Variants in BUB1 observed in about 807,000 individuals in gnomAD.
BUB1 encodes BUB1 mitotic checkpoint serine/threonine kinase.
In BUB1, 84 loss-of-function variants were observed where a neutral mutation model predicts 135.2. The observed-to-expected ratio is 0.62, with a 90% CI of 0.52 to 0.74. The LOEUF (loss-of-function observed/expected upper bound fraction) is 0.74, where lower values mean the gene tolerates loss of function less well. BUB1 is among the 30% of genes least tolerant of loss of function. The pLI is 0.00. For synonymous variants in BUB1, 403 were observed against 434.4 expected (o/e 0.93, Z 0.90); for missense variants, 1,162 against 1,288.3 (o/e 0.90, Z 1.50).
In BUB1 at chr2:110,638,058, T is replaced by C; in HGVS notation, c.3164A>G (p.Lys1055Arg). The stretch of plus-strand genomic sequence containing the variant: ...AGTATAGTGTTGTTGAAATACTTTC[T>C]TCAGCTTTTGCCTTAACAAATCCAA... Reference protein sequence around the residue: ...PSLDLLRQKLKKVFQQHYTNK... With the variant: ...PSLDLLRQKLRKVFQQHYTNK... The change falls in exon 25 of 25, where the codon AAG (lysine) becomes AGG (arginine). Residue 1055 changes from lysine to arginine, a missense_variant. Lys to Arg is a conservative substitution (Grantham distance 26). Transcript: ENST00000302759. 1.2e-6 allele frequency: 2 copies of C among 1,612,922 alleles called. No homozygotes were observed. Among genetic ancestry groups the C allele is most frequent in the Non-Finnish European group, 1.7e-6 (2 of 1,179,478 alleles).
chr2:110,669,442 G>A lies in BUB1; in HGVS notation c.567+11C>T, dbSNP rs756174133. 7.1e-6 allele frequency: 11 copies of A among 1,555,292 alleles called. No homozygotes were observed. The South Asian group carries it at 8.9e-5, about 13-fold the overall frequency. Reference sequence around the variant, plus strand: ...CCCAGTTTCCACACAAGCTACAAATGTCATTATTACCTGATTCTTAGAAAT... The same window carrying A: ...CCCAGTTTCCACACAAGCTACAAATATCATTATTACCTGATTCTTAGAAAT... On this transcript the variant is annotated intron_variant, in intron 6 of 24. Coordinates refer to ENST00000302759, the MANE Select transcript of BUB1 (RefSeq NM_004336.5).
chr2:110,676,541 T>C (rs949739149), intron 1 of BUB1: 1 of 152,224 alleles, frequency 6.6e-6, no homozygotes, highest in Non-Finnish European at 1.5e-5. Context: ...ACAAGATTTT[T>C]CACCGTGCCA....
chr2:110,653,362 CTAGAATGAAAATGGTAAACAATGT>C, intron 17 of BUB1, 50 bp downstream of exon 17: 1 of 1,490,744 alleles, frequency 6.7e-7, no homozygotes, highest in Admixed American at 1.7e-5. Context: ...AAAGGCAAAG[CTAGAATGAAAATGGTAAACAATGT>C]TAGAATGAAA....
chr2:110,662,260 A>T (rs968101478), intron 9 of BUB1, among the ~76,000 whole-genome samples: 1 of 152,230 alleles, frequency 6.6e-6, no homozygotes, highest in African/African-American at 2.4e-5. Context: ...AAAAGGGAAA[A>T]AAATAAATAA....
chr2:110,655,806 A>G lies in BUB1; in HGVS notation c.1809T>C (p.Ala603=), dbSNP rs2104534214. ...GGAATGGTGTAGACGCAAGTTGTGC[A>G]GCAGATGTGAAGTCTCCTGGGCTCT... The part of the protein sequence containing the change: ...SPKSPGDFTS[A]AQLASTPFHK... Residue 603 remains alanine, a synonymous_variant, in exon 16 of 25, where the codon GCT becomes GCC. Transcript: ENST00000302759. The G allele has an allele frequency of 6.2e-7, 1 of 1,614,018 alleles. No homozygotes were observed. Among genetic ancestry groups the G allele is most frequent in the African/African-American group, 1.3e-5 (1 of 75,004 alleles).
At chr2:110,639,975 G>A (rs999953024) in intron 23 of BUB1, 127 bp from the exon 24 acceptor site, 1 of 814,750 alleles carries the variant, frequency 1.2e-6, no homozygotes, top group Non-Finnish European at 2.1e-6. Context: ...ATTTTGGAAG[G>A]CATTTGTTCA....
intron 5 of BUB1, among the ~76,000 whole-genome samples, chr2:110,670,264 G>A (rs887464953): frequency 3.3e-5 from 5 of 150,298 alleles, no homozygotes; most frequent in African/African-American, 4.9e-5. Context: ...TCAGCCTCCT[G>A]AGTAGCCAGG....
intron 9 of BUB1, among the ~76,000 whole-genome samples, chr2:110,665,112 G>A (rs1271301213): frequency 6.6e-6 from 1 of 152,222 alleles, no homozygotes; most frequent in Non-Finnish European, 1.5e-5. Flanking sequence ...TATGCTGCAA[G>A]TAGAATTAGT....
intron 21 of BUB1, 77 bp downstream of exon 21, chr2:110,641,550 TCCACAAAAGCCCCAA>T: frequency 2.6e-6 from 4 of 1,554,622 alleles, no homozygotes; most frequent in Non-Finnish European, 3.5e-6. Flanking sequence ...TGCCCACCAC[TCCACAAAAGCCCCAA>T]CCACAAAAGT....
chr2:110,653,554 T>C (rs1373301171), intron 16 of BUB1, 31 bp from the exon 17 acceptor site: 4 of 1,575,706 alleles, frequency 2.5e-6, no homozygotes, highest in Middle Eastern at 1.7e-4. Context: ...AGACAAGATA[T>C]GTTAGATGCA....
In BUB1 at chr2:110,638,007, C is replaced by T; in HGVS notation, c.3215G>A (p.Arg1072Lys). 1.9e-6 allele frequency: 3 copies of T among 1,584,860 alleles called. No homozygotes were observed. Among genetic ancestry groups the T allele is most frequent in the Non-Finnish European group, 2.6e-6 (3 of 1,166,762 alleles). ...ACATTCTAAGAGCAGTACAATTAGCCTATTACGTAGGGCCCTAATCTTGTT... is the reference window on the plus strand; with the variant it reads ...ACATTCTAAGAGCAGTACAATTAGCTTATTACGTAGGGCCCTAATCTTGTT... The part of the protein sequence containing the change: ...YTNKIRALRN[R>K]LIVLLLECKR... Residue 1072 changes from arginine (R) to lysine (K), a missense_variant, in exon 25 of 25, where the codon AGG (arginine) becomes AAG (lysine). Coordinates refer to ENST00000302759, the MANE Select transcript of BUB1 (RefSeq NM_004336.5).
In BUB1 at chr2:110,649,388, T is replaced by TA; in HGVS notation, c.2204-12_2204-11insT. 6 of 1,363,404 alleles carry TA rather than the reference T, an allele frequency of 4.4e-6. No individual in the cohort carries two copies. In the South Asian group the frequency reaches 7.5e-5, roughly 17 times the overall value. 84.5% of individuals were successfully genotyped at this position (1,363,404 alleles called of 1,614,324 possible). A position where few individuals can be genotyped will look rare whatever the true frequency, so the allele number is the denominator to read the frequency against. ...TCCCAACAATGAAGTCTTAAAGGAA[T>TA]GAGAAAAAAAAAAAAAAAGGGAACA... On this transcript the variant is annotated splice_polypyrimidine_tract_variant and intron_variant, in intron 18 of 24. Transcript: ENST00000302759.
At chr2:110,665,320 G>A (rs547680519) in intron 9 of BUB1, among the ~76,000 whole-genome samples, 6 of 152,306 alleles carry the variant, frequency 3.9e-5, no homozygotes, top group East Asian at 1.9e-4. Flanking sequence ...GCTCACACCT[G>A]TAATCACAAC....
chr2:110,637,860 T>C lies in BUB1; in HGVS notation c.*104A>G. On this transcript the variant is annotated 3_prime_UTR_variant, in exon 25 of 25. Transcript: ENST00000302759. ...CATGGAAATATTCCATGGGATTTAT[T>C]TTTAACAAACATTTACATAAACAAT... 1 of 863,550 alleles carries C rather than the reference T, an allele frequency of 1.2e-6. No individual in the cohort carries two copies. Among genetic ancestry groups the C allele is most frequent in the Non-Finnish European group, 1.6e-6 (1 of 616,764 alleles). The allele number at this position is 863,550 out of a possible 1,614,324, so 53.5% of individuals were successfully genotyped here. A position where few individuals can be genotyped will look rare whatever the true frequency, so the allele number is the denominator to read the frequency against.
chr2:110,661,955 C>A, intron 9 of BUB1, 114 bp from the exon 10 acceptor site: 2 of 1,300,082 alleles, frequency 1.5e-6, no homozygotes, highest in Admixed American at 2.5e-5. Flanking sequence ...ATTCCTTTTT[C>A]CTTGAAGTTT....
chr2:110,637,900 C>G lies in BUB1; in HGVS notation c.*64G>C. 9.2e-7 allele frequency: 1 copy of G among 1,085,228 alleles called. No individual in the cohort carries two copies. Among genetic ancestry groups the G allele is most frequent in the Non-Finnish European group, 1.2e-6 (1 of 808,132 alleles). The allele number at this position is 1,085,228 out of a possible 1,614,324, so 67.2% of individuals were successfully genotyped here. On this transcript the variant is annotated 3_prime_UTR_variant, in exon 25 of 25. Coordinates refer to ENST00000302759, the MANE Select transcript of BUB1 (RefSeq NM_004336.5). ...ACATAAACAATAAATGAAAAAAAAA[C>G]AGGTTTAAAGTGAGCAGATTCATAT... is the stretch of plus-strand genomic sequence containing the variant.
chr2:110,671,463 C>T (rs1169869024), intron 4 of BUB1, among the ~76,000 whole-genome samples: 4 of 151,834 alleles, frequency 2.6e-5, no homozygotes, highest in Non-Finnish European at 5.9e-5. Context: ...ATCTCAATGA[C>T]GTTTTAAAAA....
chr2:110,674,470 C>A (rs548608442), intron 1 of BUB1, 105 bp from the exon 2 acceptor site: 66 of 977,472 alleles, frequency 6.8e-5, no homozygotes, highest in Non-Finnish European at 1.2e-5. Context: ...AAACAAAAAT[C>A]TTAAATATCA....
At chr2:110,669,009 G>A (rs576996799) in intron 6 of BUB1, among the ~76,000 whole-genome samples, 1 of 152,272 alleles carries the variant, frequency 6.6e-6, no homozygotes, top group African/African-American at 2.4e-5. Flanking sequence ...CCCATTGCCT[G>A]GGAGTATGAC....
Sources: allele counts gnomAD v4.1 joint callset (sites outside exome capture counted in the v4.1 genomes callset), GRCh38; gene constraint gnomAD v4.1.1; transcripts MANE v1.5; gene names NCBI Gene and HGNC (gene_info 2026-07-23, HGNC 2026-07-21).